SHISA9: variants seen among roughly 807,000 people sequenced by gnomAD.
The protein encoded by SHISA9 is shisa family member 9.
Under a neutral mutation model 38.0 loss-of-function variants are expected in SHISA9, and 13 were observed. That is an observed-to-expected ratio of 0.34 (90% CI 0.22 to 0.54). The LOEUF (loss-of-function observed/expected upper bound fraction) is 0.54, where lower values mean the gene tolerates loss of function less well. SHISA9 is among the 20% of genes least tolerant of loss of function. The pLI is 0.91. For missense variants in SHISA9, 538 were observed against 575.8 expected (o/e 0.93, Z 0.67); for synonymous variants, 275 against 242.0 (o/e 1.14, Z -1.27).
chr16:13,183,721 T>C (rs151239285), intron 2 of SHISA9, among the ~76,000 whole-genome samples: 6 of 152,366 alleles, frequency 3.9e-5, no homozygotes, highest in African/African-American at 1.4e-4. Context: ...GTATGCAATG[T>C]ACTCTCATCC....
the SHISA9 span, among the ~76,000 whole-genome samples, chr16:13,412,606 C>G: frequency 6.6e-6 from 1 of 152,114 alleles, no homozygotes; most frequent in South Asian, 2.1e-4. Context: ...CCTATAATCT[C>G]AGCACTTTGG....
At chr16:13,536,132 G>C in the SHISA9 span, among the ~76,000 whole-genome samples, 1 of 151,886 alleles carries the variant, frequency 6.6e-6, no homozygotes, top group African/African-American at 2.4e-5. Flanking sequence ...CCAAGTAGCT[G>C]GTACTACAGG....
chr16:13,258,196 G>C, the SHISA9 span: 1 of 152,192 alleles, frequency 6.6e-6, no homozygotes, highest in Admixed American at 6.5e-5. Flanking sequence ...AATAGTCAGA[G>C]TAAAGCAGAT....
the SHISA9 span, among the ~76,000 whole-genome samples, chr16:13,263,189 G>A: frequency 3.8e-4 from 58 of 152,252 alleles, no homozygotes; most frequent in African/African-American, 1.3e-3. Context: ...CCTGGGGTGG[G>A]AATTCGGCAA....
chr16:13,226,260 C>G (rs531420811), intron 4 of SHISA9, among the ~76,000 whole-genome samples: 11 of 152,302 alleles, frequency 7.2e-5, no homozygotes, highest in African/African-American at 2.6e-4. Context: ...AATGATTCAT[C>G]CATCTAACCT....
chr16:12,912,084 G>C (rs2071191240), intron 1 of SHISA9, among the ~76,000 whole-genome samples: 1 of 152,156 alleles, frequency 6.6e-6, no homozygotes, highest in Non-Finnish European at 1.5e-5. Context: ...CATCTTACAT[G>C]GGCCTTCTGG....
chr16:13,307,365 C>T, the SHISA9 span, among the ~76,000 whole-genome samples: 1 of 152,138 alleles, frequency 6.6e-6, no homozygotes, highest in South Asian at 2.1e-4. Context: ...TTCCTCCTGG[C>T]TTGTGGTTGA....
chr16:13,469,435 G>GAAAGAAAGAAAGAAAA, the SHISA9 span, among the ~76,000 whole-genome samples: 1 of 124,584 alleles, frequency 8.0e-6, no homozygotes, highest in African/African-American at 3.1e-5. Flanking sequence ...AAGAAAGAAA[G>GAAAGAAAGAAAGAAAA]AGAAAGAAAG....
At chr16:13,382,316 A>G in the SHISA9 span, among the ~76,000 whole-genome samples, 1 of 151,228 alleles carries the variant, frequency 6.6e-6, no homozygotes, top group Non-Finnish European at 1.5e-5. Flanking sequence ...TCACTTGAGG[A>G]CAGGAGTTCG....
At chr16:13,460,571 G>A in the SHISA9 span, among the ~76,000 whole-genome samples, 1 of 152,158 alleles carries the variant, frequency 6.6e-6, no homozygotes, top group Non-Finnish European at 1.5e-5. Flanking sequence ...TGTGTTTTTA[G>A]GGACAACCAC....
intron 2 of SHISA9, among the ~76,000 whole-genome samples, chr16:13,124,904 C>A (rs1197502800): frequency 6.6e-6 from 1 of 152,158 alleles, no homozygotes; most frequent in Non-Finnish European, 1.5e-5. Context: ...ACTGGGAAAA[C>A]TGGATATCCA....
the SHISA9 span, among the ~76,000 whole-genome samples, chr16:13,468,039 A>G: frequency 0.33 from 49,846 of 152,088 alleles, 8,329 homozygotes; most frequent in East Asian, 0.39. Context: ...TCTCAGTCTT[A>G]CCATTAGACT....
chr16:13,186,305 T>C (rs374149713), intron 2 of SHISA9, among the ~76,000 whole-genome samples: 21,920 of 141,554 alleles, frequency 0.15, 2,239 homozygotes, highest in Middle Eastern at 0.24. Flanking sequence ...TTTTTTTTTT[T>C]TTTTTTTTTT....
intron 2 of SHISA9, among the ~76,000 whole-genome samples, chr16:13,030,624 C>T (rs999188658): frequency 2.6e-5 from 4 of 152,198 alleles, no homozygotes; most frequent in African/African-American, 9.6e-5. Context: ...GTTGAAACAT[C>T]ATGTTTTTCT....
intron 2 of SHISA9, among the ~76,000 whole-genome samples, chr16:13,079,073 A>G (rs1384716379): frequency 2.0e-5 from 3 of 152,186 alleles, no homozygotes; most frequent in Admixed American, 6.5e-5. Flanking sequence ...CCTCTTTAAA[A>G]CGTGGCTAAT....
rs527460837 is a variant in SHISA9 at position 13,068,846 on chromosome 16, A to G, written c.692-134548A>G. On this transcript the variant is annotated intron_variant, in intron 2 of 4. Transcript: ENST00000558583. ...TATGTGTACTTATGCATGTATGTGT[A>G]TATATATGCATACATGCAATGTGTG... is the stretch of plus-strand genomic sequence containing the variant. Among the ~76,000 whole-genome samples the G allele has an allele frequency of 4.0e-5, 6 of 150,376 alleles. No homozygotes were observed. The South Asian group carries it at 1.0e-3, about 26-fold the overall frequency.
the SHISA9 span, among the ~76,000 whole-genome samples, chr16:13,538,265 C>G: frequency 6.6e-6 from 1 of 152,192 alleles, no homozygotes; most frequent in African/African-American, 2.4e-5. Context: ...GGTTTTCTCT[C>G]AAATTGCTCT....
intron 4 of SHISA9, among the ~76,000 whole-genome samples, chr16:13,229,270 G>A (rs924619833): frequency 6.6e-5 from 10 of 152,228 alleles, no homozygotes; most frequent in Non-Finnish European, 1.2e-4. Context: ...GAGTGAGACG[G>A]ATGATAATGA....
chr16:13,055,199 G>A (rs2141903530), intron 2 of SHISA9, among the ~76,000 whole-genome samples: 1 of 152,296 alleles, frequency 6.6e-6, no homozygotes, highest in South Asian at 2.1e-4. Flanking sequence ...CTGTGATTAT[G>A]CCCATTTTAC....
Sources: gnomAD v4.1 joint callset for allele counts (sites outside exome capture counted in the v4.1 genomes callset) on GRCh38, gnomAD v4.1.1 for gene constraint, MANE v1.5 for transcripts, NCBI Gene and HGNC (gene_info 2026-07-23, HGNC 2026-07-21) for gene names.